Variants in CNTNAP2 observed in about 807,000 individuals in gnomAD.
CNTNAP2 encodes contactin associated protein 2.
In CNTNAP2, 98 loss-of-function variants were observed where a neutral mutation model predicts 155.2. The observed-to-expected ratio is 0.63, with a 90% CI of 0.54 to 0.75. The LOEUF is 0.75. Ranked by LOEUF, CNTNAP2 falls within the 30% of genes least tolerant of loss-of-function variation. CNTNAP2 has a pLI of 0.00. For missense variants in CNTNAP2, 1,727 were observed against 1,688.1 expected (o/e 1.02, Z -0.40); for synonymous variants, 651 against 631.2 (o/e 1.03, Z -0.47).
chr7:146,702,563 G>A (rs1800895360), intron 1 of CNTNAP2, among the ~76,000 whole-genome samples: 1 of 152,114 alleles, frequency 6.6e-6, no homozygotes, highest in Non-Finnish European at 1.5e-5. Context: ...GTGAGGACTA[G>A]AAATGTGGCC....
chr7:148,114,567 C>A (rs921857811), intron 15 of CNTNAP2, among the ~76,000 whole-genome samples: 1 of 152,142 alleles, frequency 6.6e-6, no homozygotes, highest in African/African-American at 2.4e-5. Flanking sequence ...GCGCTATCAG[C>A]ACTGGAAAAG....
chr7:148,181,206 T>A (rs1193614854), intron 18 of CNTNAP2, among the ~76,000 whole-genome samples: 1 of 152,192 alleles, frequency 6.6e-6, no homozygotes, highest in Non-Finnish European at 1.5e-5. Flanking sequence ...ATCATGGGAC[T>A]TCTCAGCCTC....
chr7:146,821,586 AAT>A (rs1032652692), intron 2 of CNTNAP2, among the ~76,000 whole-genome samples: 1 of 152,160 alleles, frequency 6.6e-6, no homozygotes, highest in African/African-American at 2.4e-5. Context: ...ACAAAGGGCT[AAT>A]ATCCAGAATC....
intron 1 of CNTNAP2, among the ~76,000 whole-genome samples, chr7:146,725,923 C>T (rs1206805291): frequency 2.0e-5 from 3 of 152,132 alleles, no homozygotes; most frequent in South Asian, 2.1e-4. Flanking sequence ...TTCTGTCTCC[C>T]GTTCAGCCAG....
chr7:146,601,422 T>C (rs1345684035), intron 1 of CNTNAP2, among the ~76,000 whole-genome samples: 1 of 152,104 alleles, frequency 6.6e-6, no homozygotes. Context: ...TGAAAGTCCT[T>C]AAAATTCTAC....
intron 13 of CNTNAP2, among the ~76,000 whole-genome samples, chr7:147,860,967 C>T (rs1286669871): frequency 6.6e-6 from 1 of 152,168 alleles, no homozygotes; most frequent in Non-Finnish European, 1.5e-5. Flanking sequence ...TGTTTGCTTT[C>T]CTGTAGCTTT....
intron 9 of CNTNAP2, among the ~76,000 whole-genome samples, chr7:147,301,792 A>G (rs1033280386): frequency 5.3e-5 from 8 of 152,188 alleles, no homozygotes; most frequent in Admixed American, 2.6e-4. Flanking sequence ...CTACAAATTA[A>G]GCAAGACGTC....
intron 8 of CNTNAP2, among the ~76,000 whole-genome samples, chr7:147,273,692 C>CT (rs1317539764): frequency 6.7e-6 from 1 of 148,878 alleles, no homozygotes; most frequent in Non-Finnish European, 1.5e-5. Context: ...TTATTTAATC[C>CT]TTTTTTATGG....
intron 1 of CNTNAP2, among the ~76,000 whole-genome samples, chr7:146,735,080 A>G (rs1328381142): frequency 6.6e-6 from 1 of 152,214 alleles, no homozygotes; most frequent in Non-Finnish European, 1.5e-5. Flanking sequence ...ATCAAAACAA[A>G]TTGTTATTGG....
chr7:147,251,948 T>G (rs1341422039), intron 8 of CNTNAP2, among the ~76,000 whole-genome samples: 1 of 152,114 alleles, frequency 6.6e-6, no homozygotes, highest in African/African-American at 2.4e-5. Context: ...AATGGATATA[T>G]GAGTTTGGGG....
At chr7:146,335,749 C>T (rs1801263632) in intron 1 of CNTNAP2, among the ~76,000 whole-genome samples, 1 of 152,034 alleles carries the variant, frequency 6.6e-6, no homozygotes, top group Non-Finnish European at 1.5e-5. Flanking sequence ...ACTTTTAGGT[C>T]ACATGCATTT....
chr7:146,501,640 G>A (rs989963905), intron 1 of CNTNAP2, among the ~76,000 whole-genome samples: 3 of 152,010 alleles, frequency 2.0e-5, no homozygotes, highest in Non-Finnish European at 4.4e-5. Flanking sequence ...CTTTGTCAAA[G>A]TAGTGTGTTG....
intron 8 of CNTNAP2, among the ~76,000 whole-genome samples, chr7:147,208,185 G>A (rs1056301153): frequency 6.6e-6 from 1 of 152,030 alleles, no homozygotes; most frequent in South Asian, 2.1e-4. Flanking sequence ...ACTCTGGGGG[G>A]TCTGCATAGG....
rs140721267 is a variant in CNTNAP2 at position 147,924,264 on chromosome 7, G to A, written c.2255+20543G>A. On this transcript the variant is annotated intron_variant, in intron 14 of 23. Transcript: ENST00000361727. ...AGTGATTCTCTTCCCTCAGCCTCCC[G>A]AGTAGCTGGGATTACAGGCATGTAC... 2.7e-3 allele frequency among the ~76,000 whole-genome samples: 402 copies of A among 150,418 alleles called. 2 individuals are homozygous for A. Among genetic ancestry groups the A allele is most frequent in the African/African-American group, 9.3e-3 (381 of 40,914 alleles).
intron 20 of CNTNAP2, among the ~76,000 whole-genome samples, chr7:148,255,769 C>T (rs892682518): frequency 9.2e-5 from 14 of 152,118 alleles, no homozygotes; most frequent in African/African-American, 3.4e-4. Flanking sequence ...TTAGAGAAAC[C>T]TCCTGACATC....
At chr7:146,397,786 C>T (rs895352602) in intron 1 of CNTNAP2, among the ~76,000 whole-genome samples, 1 of 151,176 alleles carries the variant, frequency 6.6e-6, no homozygotes, top group Non-Finnish European at 1.5e-5. Flanking sequence ...AGAGAAAGAA[C>T]AAAATTTGAG....
At chr7:148,173,955 A>G (rs904897792) in intron 18 of CNTNAP2, among the ~76,000 whole-genome samples, 1 of 152,220 alleles carries the variant, frequency 6.6e-6, no homozygotes, top group African/African-American at 2.4e-5. Context: ...AGCTCACGCA[A>G]AACCTCTGGA....
intron 1 of CNTNAP2, among the ~76,000 whole-genome samples, chr7:146,329,911 C>A (rs1440292346): frequency 2.0e-5 from 3 of 151,856 alleles, no homozygotes; most frequent in South Asian, 2.1e-4. Flanking sequence ...AAATTTTATA[C>A]CCCCATAATT....
At chr7:146,454,010 G>T (rs1796519342) in intron 1 of CNTNAP2, among the ~76,000 whole-genome samples, 3 of 151,784 alleles carry the variant, frequency 2.0e-5, no homozygotes, top group South Asian at 4.2e-4. Context: ...TCAATTAAAA[G>T]ATAGAAAATT....
Sources: gnomAD v4.1 joint callset for allele counts (sites outside exome capture counted in the v4.1 genomes callset) on GRCh38, gnomAD v4.1.1 for gene constraint, MANE v1.5 for transcripts, NCBI Gene and HGNC (gene_info 2026-07-23, HGNC 2026-07-21) for gene names.